HDAC9: variants seen among roughly 807,000 people sequenced by gnomAD.
HDAC9 encodes the protein MEF-2 interacting transcription repressor (MITR) protein.
In HDAC9, 41 loss-of-function variants were observed where a neutral mutation model predicts 139.4. That is an observed-to-expected ratio of 0.29 (90% CI 0.23 to 0.38). The LOEUF (loss-of-function observed/expected upper bound fraction) is 0.38, where lower values mean the gene tolerates loss of function less well. HDAC9 is among the 10% of genes least tolerant of loss of function. The pLI is 1.00. For synonymous variants in HDAC9, 517 were observed against 476.2 expected (o/e 1.09, Z -1.12); for missense variants, 1,147 against 1,297.0 (o/e 0.88, Z 1.78).
chr7:18,292,457 AC>A (rs1585031112), intron 1 of HDAC9, among the ~76,000 whole-genome samples: 1 of 152,210 alleles, frequency 6.6e-6, no homozygotes, highest in East Asian at 1.9e-4. Context: ...TGAATGGAAA[AC>A]CTTTTCTCTA....
intron 1 of HDAC9, among the ~76,000 whole-genome samples, chr7:18,137,661 G>C (rs1399997543): frequency 6.6e-6 from 1 of 150,944 alleles, no homozygotes; most frequent in Non-Finnish European, 1.5e-5. Flanking sequence ...AAGCCCACTT[G>C]ATCATGGTGG....
chr7:18,143,748 G>A (rs1467122100), intron 1 of HDAC9, among the ~76,000 whole-genome samples: 1 of 148,218 alleles, frequency 6.7e-6, no homozygotes, highest in Non-Finnish European at 1.5e-5. Context: ...AGCCACGATC[G>A]CACCATTACA....
intron 1 of HDAC9, among the ~76,000 whole-genome samples, chr7:18,383,578 A>G (rs1785633918): frequency 6.6e-6 from 1 of 152,186 alleles, no homozygotes; most frequent in South Asian, 2.1e-4. Context: ...CAGATGGATC[A>G]CAGGATTGAA....
intron 2 of HDAC9, among the ~76,000 whole-genome samples, chr7:18,181,731 T>C (rs1465921923): frequency 6.6e-6 from 1 of 152,138 alleles, no homozygotes; most frequent in Non-Finnish European, 1.5e-5. Flanking sequence ...ACCTTGTGCT[T>C]GGTTCTAGGT....
chr7:18,674,904 A>T (rs1453253467), intron 12 of HDAC9, among the ~76,000 whole-genome samples: 2 of 151,986 alleles, frequency 1.3e-5, no homozygotes, highest in Admixed American at 6.6e-5. Flanking sequence ...TACTCACACC[A>T]TATTAATTTT....
chr7:18,440,096 T>C (rs961617810), intron 1 of HDAC9, among the ~76,000 whole-genome samples: 3 of 152,190 alleles, frequency 2.0e-5, no homozygotes, highest in Non-Finnish European at 4.4e-5. Flanking sequence ...AATTCCTGTA[T>C]GGTATAAATA....
chr7:18,499,390 T>G (rs1797782621), intron 2 of HDAC9, among the ~76,000 whole-genome samples: 1 of 152,138 alleles, frequency 6.6e-6, no homozygotes, highest in Non-Finnish European at 1.5e-5. Flanking sequence ...CTAAACATGT[T>G]TGGTAGAACC....
intron 2 of HDAC9, among the ~76,000 whole-genome samples, chr7:18,235,478 C>T (rs1793755678): frequency 6.6e-6 from 1 of 152,150 alleles, no homozygotes; most frequent in Non-Finnish European, 1.5e-5. Context: ...GGGTCCGGTT[C>T]CCCACTGCCT....
intron 1 of HDAC9, among the ~76,000 whole-genome samples, chr7:18,368,461 A>T (rs895896314): frequency 6.6e-6 from 1 of 151,054 alleles, no homozygotes; most frequent in Non-Finnish European, 1.5e-5. Flanking sequence ...CTGTTTCTGA[A>T]CTCTGTTTGG....
chr7:18,851,117 C>G (rs1797253810), intron 21 of HDAC9, among the ~76,000 whole-genome samples: 1 of 152,324 alleles, frequency 6.6e-6, no homozygotes, highest in East Asian at 1.9e-4. Flanking sequence ...CTTCCCTTTG[C>G]CTAGCAGCAG....
intron 22 of HDAC9, among the ~76,000 whole-genome samples, chr7:18,882,464 A>G (rs533808857): frequency 6.6e-6 from 1 of 152,200 alleles, no homozygotes; most frequent in Admixed American, 6.6e-5. Flanking sequence ...AAACTCATTT[A>G]ATCTCTGCTC....
At chr7:18,956,708 C>G (rs907769993) in intron 24 of HDAC9, among the ~76,000 whole-genome samples, 1 of 152,114 alleles carries the variant, frequency 6.6e-6, no homozygotes, top group South Asian at 2.1e-4. Context: ...CCGTGCAACT[C>G]AGGGGGAAGT....
At chr7:18,112,158 T>C (rs1783658816) in intron 1 of HDAC9, among the ~76,000 whole-genome samples, 2 of 152,210 alleles carry the variant, frequency 1.3e-5, no homozygotes, top group African/African-American at 4.8e-5. Flanking sequence ...TTTTCCTGAA[T>C]GGGTGGATGT....
At chr7:18,133,058 A>C (rs1481378514) in intron 1 of HDAC9, among the ~76,000 whole-genome samples, 1 of 152,138 alleles carries the variant, frequency 6.6e-6, no homozygotes, top group African/African-American at 2.4e-5. Context: ...AGCTGATAGC[A>C]GTGGTCTGTT....
At chr7:18,950,071 G>C (rs1782685849) in intron 23 of HDAC9, among the ~76,000 whole-genome samples, 1 of 151,996 alleles carries the variant, frequency 6.6e-6, no homozygotes, top group Admixed American at 6.6e-5. Flanking sequence ...TGGATTAGAG[G>C]TCTAGGTATT....
At chr7:18,096,791 A>G (rs1006989346) in intron 1 of HDAC9, among the ~76,000 whole-genome samples, 4 of 151,944 alleles carry the variant, frequency 2.6e-5, no homozygotes, top group African/African-American at 9.7e-5. Flanking sequence ...ATTTTGTTTT[A>G]ATCTGTGGTC....
intron 2 of HDAC9, among the ~76,000 whole-genome samples, chr7:18,514,997 A>G (rs1802711791): frequency 6.6e-6 from 1 of 152,208 alleles, no homozygotes; most frequent in Non-Finnish European, 1.5e-5. Flanking sequence ...TCGTTAAACT[A>G]GTATTTTGGG....
chr7:18,586,741 T>C (rs577209348), intron 3 of HDAC9, among the ~76,000 whole-genome samples: 1 of 152,254 alleles, frequency 6.6e-6, no homozygotes, highest in African/African-American at 2.4e-5. Context: ...GTAGTGAACT[T>C]TCCAAAAAGA....
chr7:18,392,940 A>T (rs1227858170), intron 1 of HDAC9, among the ~76,000 whole-genome samples: 1 of 150,536 alleles, frequency 6.6e-6, no homozygotes, highest in Admixed American at 6.6e-5. Flanking sequence ...AAAAAAAAAA[A>T]AAAGGAAATA....
Sources: gnomAD v4.1 joint callset for allele counts (sites outside exome capture counted in the v4.1 genomes callset) on GRCh38, gnomAD v4.1.1 for gene constraint, MANE v1.5 for transcripts, NCBI Gene and HGNC (gene_info 2026-07-23, HGNC 2026-07-21) for gene names.